The following BAZ1B variants were observed in gnomAD, a reference collection of about 807,000 sequenced individuals.
BAZ1B encodes the protein bromodomain adjacent to zinc finger domain 1B, also known as tyrosine-protein kinase BAZ1B.
BAZ1B carries 22 observed loss-of-function variants against 153.8 expected under a neutral mutation model. The ratio of observed to expected loss-of-function variants is 0.14; its 90% CI spans 0.10 to 0.20. BAZ1B has a LOEUF of 0.20. Ranked by LOEUF, BAZ1B falls within the 10% of genes least tolerant of loss-of-function variation. The probability of loss-of-function intolerance (pLI) is 1.00; values close to 1 mark genes in which losing one functional copy is unlikely to be tolerated. For synonymous variants in BAZ1B, 676 were observed against 633.4 expected (o/e 1.07, Z -1.01); for missense variants, 1,325 against 1,799.3 (o/e 0.74, Z 4.77).
chr7:73,489,618 C>G (rs1178649595), intron 5 of BAZ1B, among the ~76,000 whole-genome samples: 6 of 152,120 alleles, frequency 3.9e-5, no homozygotes, highest in Non-Finnish European at 1.5e-5. Context: ...AGTTACAGAT[C>G]GACCTGGGCA....
Position 73,470,472 on chromosome 7 carries a change from G to A in BAZ1B, c.2605C>T (p.Arg869Cys). Residue 869 changes from arginine (R) to cysteine (C), a missense_variant, in exon 8 of 20, where the codon CGC (arginine) becomes TGC (cysteine). Around this residue, in one of 9 missense-constraint regions of BAZ1B, gnomAD observed 431 missense variants for 563.5 expected, o/e 0.76. Coordinates refer to ENST00000339594, the MANE Select transcript of BAZ1B (RefSeq NM_032408.4). ...QEREMKVKLERQAEEERIRKH... is the reference protein window; with the variant it reads ...QEREMKVKLECQAEEERIRKH... ...CGTATTCGTTCTTCTTCAGCTTGGCGTTCCAGTTTCACTGTTAAAAATAAA... is the reference window on the plus strand; with the variant it reads ...CGTATTCGTTCTTCTTCAGCTTGGCATTCCAGTTTCACTGTTAAAAATAAA... 2 of 1,612,380 alleles carry A rather than the reference G, an allele frequency of 1.2e-6. No individual in the cohort carries two copies. The highest frequency in any genetic ancestry group is 1.7e-6 in the Non-Finnish European group (2 of 1,179,524).
At chr7:73,515,531 CTTTTTTTTTT>C (rs869065388) in intron 1 of BAZ1B, among the ~76,000 whole-genome samples, 5 of 111,422 alleles carry the variant, frequency 4.5e-5, no homozygotes, top group African/African-American at 6.9e-5. Flanking sequence ...AGCCTTGTTC[CTTTTTTTTTT>C]TTTTTTTTTT....
rs200718272 is a variant in BAZ1B at position 73,501,887 on chromosome 7, A to ATT, written c.370-3191_370-3190dup. On this transcript the variant is annotated intron_variant, in intron 3 of 19. Transcript: ENST00000339594. The stretch of plus-strand genomic sequence containing the variant: ...TTTTCTTTCATAGTTCTTATCAAGA[A>ATT]TTTTTTTTTTTTTTTTTTTTTGAGA... Among the ~76,000 whole-genome samples, 113 of 133,098 alleles carry ATT rather than the reference A, an allele frequency of 8.5e-4. 1 individual carries two copies. The highest frequency in any genetic ancestry group is 1.6e-3 in the African/African-American group (56 of 34,136). 87.3% of individuals were successfully genotyped at this position (133,098 alleles called of 152,430 possible).
chr7:73,475,048 T>G (rs1341171419), intron 7 of BAZ1B, among the ~76,000 whole-genome samples: 1 of 152,160 alleles, frequency 6.6e-6, no homozygotes, highest in Admixed American at 6.5e-5. Flanking sequence ...CCCACTAGTA[T>G]GACTATCATC....
At position 73,450,318 on chromosome 7, in the gene BAZ1B, T is replaced by C. The variant is rs1460147882; in HGVS notation, c.3580+529A>G. Among the ~76,000 whole-genome samples the C allele has an allele frequency of 1.3e-5, 2 of 152,240 alleles. No homozygotes were observed. The highest frequency in any genetic ancestry group is 2.1e-4 in the South Asian group (1 of 4,836). ...CCTTCCAACCTTCATTCTAGAGCGATTGAACGCTTTACAGCAACTGAATGA... is the reference window on the plus strand; with the variant it reads ...CCTTCCAACCTTCATTCTAGAGCGACTGAACGCTTTACAGCAACTGAATGA... On this transcript the variant is annotated intron_variant, in intron 14 of 19. Coordinates refer to ENST00000339594, the MANE Select transcript of BAZ1B (RefSeq NM_032408.4). This position sits in a 1 kb window ranked among gnomAD's most constrained non-coding sequence, Gnocchi z 4.1.
At chr7:73,459,033 G>A (rs1267030886) in intron 13 of BAZ1B, among the ~76,000 whole-genome samples, 1 of 152,026 alleles carries the variant, frequency 6.6e-6, no homozygotes, top group Non-Finnish European at 1.5e-5. Context: ...TAGATCACAA[G>A]GTCAAGAGAT....
chr7:73,506,023 T>C lies in BAZ1B; in HGVS notation c.369+2304A>G, dbSNP rs566452954. On this transcript the variant is annotated intron_variant, in intron 3 of 19. Transcript: ENST00000339594. Reference sequence around the variant, plus strand: ...CACTTCAAGATTTCCGTGCAAATTCTGCAAGACATTATGTAAAGCAATTAG... The same window carrying C: ...CACTTCAAGATTTCCGTGCAAATTCCGCAAGACATTATGTAAAGCAATTAG... Among the ~76,000 whole-genome samples, 13 of 152,354 alleles carry C rather than the reference T, an allele frequency of 8.5e-5. 1 individual carries two copies. In the South Asian group the frequency reaches 2.7e-3, roughly 32 times the overall value.
rs374255846 is a variant in BAZ1B, at chr7:73,477,646, C to T, written c.1815G>A (p.Thr605=). ...CCACCATGGCCACATCCCCAAACAG[C>T]GTGTTGGGCAGCCCTTCAGGGGTAT... The part of the protein sequence containing the change: ...LVDTPEGLPN[T]LFGDVAMVVE... Residue 605 remains threonine (T), a synonymous_variant, in exon 7 of 20, where the codon ACG becomes ACA. Transcript: ENST00000339594. The surrounding 1 kb of genome is among the most constrained non-coding windows in gnomAD (Gnocchi z 5.6). The T allele has an allele frequency of 1.1e-5, 18 of 1,614,098 alleles. No homozygotes were observed. Among genetic ancestry groups the T allele is most frequent in the African/African-American group, 6.7e-5 (5 of 74,938 alleles).
rs539326972 is a variant in BAZ1B, at chr7:73,497,745, GT to G, written c.571+751del. Among the ~76,000 whole-genome samples the G allele has an allele frequency of 1.5e-3, 229 of 152,204 alleles. 1 individual carries two copies. The highest frequency in any genetic ancestry group is 5.0e-3 in the African/African-American group (209 of 41,514). ...TTCCATTCATATGTGGACCTGTACA[GT>G]TCAAACCTATGTTGTTCAAGGGTGA... On this transcript the variant is annotated intron_variant, in intron 4 of 19. Transcript: ENST00000339594.
In BAZ1B at chr7:73,441,592, G is replaced by A. The variant is rs1285667234; in HGVS notation, c.*117C>T. 6.6e-6 allele frequency: 1 copy of A among 152,538 alleles called. No individual in the cohort carries two copies. Among genetic ancestry groups the A allele is most frequent in the Non-Finnish European group, 1.5e-5 (1 of 68,086 alleles). The allele number at this position is 152,538 out of a possible 1,614,324, so 9.4% of individuals were successfully genotyped here. ...AAGGGGAGATTCAGGAATGGCTCCA[G>A]GACACGTCCCTTTACTCTGCCAAGA... On this transcript the variant is annotated 3_prime_UTR_variant, in exon 20 of 20. Coordinates refer to ENST00000339594, the MANE Select transcript of BAZ1B (RefSeq NM_032408.4).
intron 19 of BAZ1B, 65 bp from the exon 20 acceptor site, chr7:73,441,758 C>T (rs1187210799): frequency 2.7e-5 from 5 of 183,070 alleles, no homozygotes; most frequent in Non-Finnish European, 5.7e-5. Context: ...ATAATAAATA[C>T]AGATTAAAAA....
chr7:73,498,780 C>G, intron 3 of BAZ1B, 82 bp from the exon 4 acceptor site: 1 of 1,169,036 alleles, frequency 8.6e-7, no homozygotes, highest in Non-Finnish European at 1.2e-6. Context: ...ATCCAATATA[C>G]ATGCCTCCTC....
intron 6 of BAZ1B, among the ~76,000 whole-genome samples, chr7:73,483,949 A>G (rs1470257348): frequency 6.6e-6 from 1 of 152,122 alleles, no homozygotes; most frequent in Non-Finnish European, 1.5e-5. Context: ...CATACACAAC[A>G]AACAAACTTT....
intron 13 of BAZ1B, among the ~76,000 whole-genome samples, chr7:73,457,948 G>A (rs1369562971): frequency 2.0e-5 from 3 of 152,154 alleles, no homozygotes; most frequent in Non-Finnish European, 2.9e-5. Flanking sequence ...TGTTCCACAC[G>A]TCTCATCCAT....
chr7:73,442,701 T>C (rs1324333063), intron 18 of BAZ1B, 24 bp downstream of exon 18: 4 of 1,609,676 alleles, frequency 2.5e-6, no homozygotes, highest in South Asian at 1.1e-5. Context: ...TCCTCTCCCC[T>C]GCACCTGAGA....
intron 6 of BAZ1B, among the ~76,000 whole-genome samples, chr7:73,479,653 T>G (rs1789125838): frequency 6.6e-6 from 1 of 152,082 alleles, no homozygotes; most frequent in Non-Finnish European, 1.5e-5. Context: ...TTAAATCCAT[T>G]AATTCTATTA....
chr7:73,443,891 T>TC (rs1787723678), intron 17 of BAZ1B, 93 bp downstream of exon 17: 2 of 1,547,342 alleles, frequency 1.3e-6, no homozygotes, highest in Middle Eastern at 1.9e-4. Context: ...GGGGGGAGGC[T>TC]CCCCTCCCAC....
chr7:73,519,907 A>G (rs2115635026), intron 1 of BAZ1B, among the ~76,000 whole-genome samples: 1 of 152,214 alleles, frequency 6.6e-6, no homozygotes, highest in Admixed American at 6.6e-5. Flanking sequence ...ATTCGAATGT[A>G]TTAAAAAGTA....
Position 73,492,936 on chromosome 7 carries a change from G to C in BAZ1B, c.572-15C>G. ...TGCTCTGTCATCTAGTCAAATCATA[G>C]AAAATTAGTGAAAAACGTAATTATT... On this transcript the variant is annotated splice_polypyrimidine_tract_variant and intron_variant, in intron 4 of 19. Coordinates refer to ENST00000339594, the MANE Select transcript of BAZ1B (RefSeq NM_032408.4). The C allele has an allele frequency of 2.5e-6, 4 of 1,569,888 alleles. No individual in the cohort carries two copies. Among genetic ancestry groups the C allele is most frequent in the Non-Finnish European group, 2.6e-6 (3 of 1,165,078 alleles).
Sources: allele counts gnomAD v4.1 joint callset (sites outside exome capture counted in the v4.1 genomes callset), GRCh38; gene constraint gnomAD v4.1.1; regional missense constraint gnomAD v4.1.1; non-coding constraint Gnocchi (gnomAD v3.1); transcripts MANE v1.5; gene names NCBI Gene and HGNC (gene_info 2026-07-23, HGNC 2026-07-21).